Variants in SUSD5 observed in about 807,000 individuals in gnomAD.
SUSD5 encodes the protein sushi domain containing 5.
SUSD5 carries 33 observed loss-of-function variants against 29.5 expected under a neutral mutation model. The observed-to-expected ratio is 1.12, with a 90% CI of 0.85 to 1.49. The LOEUF (loss-of-function observed/expected upper bound fraction) is 1.49. SUSD5 is among the 40% of genes most tolerant of loss of function. The pLI, the probability that SUSD5 is intolerant of heterozygous loss-of-function variation, is 0.00. For missense variants in SUSD5, 776 were observed against 800.6 expected, an observed-to-expected ratio of 0.97 and a Z score of 0.37; for synonymous variants, 308 against 325.3, an observed-to-expected ratio of 0.95 and a Z score of 0.57.
chr3:33,169,200 A>C (rs2031369113), intron 4 of SUSD5, among the ~76,000 whole-genome samples: 1 of 152,080 alleles, frequency 6.6e-6, no homozygotes, highest in African/African-American at 2.4e-5. Context: ...GAGTGTATAC[A>C]CCTGTGACAG....
chr3:33,163,429 A>G (rs35086745), intron 4 of SUSD5, among the ~76,000 whole-genome samples: 14,459 of 152,136 alleles, frequency 0.095, 817 homozygotes, highest in East Asian at 0.19. Context: ...GGAATTTATC[A>G]TTGGTTTAAT....
At chr3:33,159,456 G>C (rs1185180354) in intron 4 of SUSD5, among the ~76,000 whole-genome samples, 1 of 152,026 alleles carries the variant, frequency 6.6e-6, no homozygotes, top group Non-Finnish European at 1.5e-5. Context: ...ATCTGCCCCA[G>C]TGCTCCCTGC....
intron 3 of SUSD5, among the ~76,000 whole-genome samples, chr3:33,182,736 T>C (rs7620079): frequency 1.3e-5 from 2 of 152,202 alleles, no homozygotes; most frequent in African/African-American, 4.8e-5. Flanking sequence ...TGAGTATAGC[T>C]ACTCCCACTT....
chr3:33,186,648 ATCTCTTGACCTCGT>A (rs2031785810), intron 3 of SUSD5, among the ~76,000 whole-genome samples: 1 of 151,922 alleles, frequency 6.6e-6, no homozygotes, highest in South Asian at 2.1e-4. Flanking sequence ...GATGGTCTTG[ATCTCTTGACCTCGT>A]GACCTGCCCG....
At chr3:33,208,530 C>G (rs941526004) in intron 2 of SUSD5, among the ~76,000 whole-genome samples, 1 of 152,080 alleles carries the variant, frequency 6.6e-6, no homozygotes, top group African/African-American at 2.4e-5. Context: ...ATTTAATCAT[C>G]AATCTAATTT....
rs2030922878 is a variant in SUSD5, at chr3:33,152,453, A to C, written c.*289T>G. On this transcript the variant is annotated 3_prime_UTR_variant, in exon 5 of 5. Transcript: ENST00000309558. ...AAAGATAATACTGTGATGAAGGAAG[A>C]GGCGATTTTTGACCTCACACTGGAA... 1 of 374,276 alleles carries C rather than the reference A, an allele frequency of 2.7e-6. No individual in the cohort carries two copies. Among genetic ancestry groups the C allele is most frequent in the South Asian group, 5.7e-5 (1 of 17,498 alleles). 23.2% of individuals were successfully genotyped at this position (374,276 alleles called of 1,614,324 possible).
intron 4 of SUSD5, among the ~76,000 whole-genome samples, chr3:33,168,913 G>C (rs2031363018): frequency 6.6e-6 from 1 of 152,236 alleles, no homozygotes; most frequent in African/African-American, 2.4e-5. Context: ...GCCTCCCAAA[G>C]TGCTGGGATT....
At chr3:33,197,021 T>C (rs1318784252) in intron 3 of SUSD5, among the ~76,000 whole-genome samples, 1 of 152,246 alleles carries the variant, frequency 6.6e-6, no homozygotes, top group Admixed American at 6.5e-5. Flanking sequence ...GAGGATTAAA[T>C]GAGTGAACAC....
rs775490969 is a variant in SUSD5, at chr3:33,218,737, C to A, written c.61G>T (p.Ala21Ser). ...RWHRRLPGLW[A>S]AALLLLGLPR... ...AGACCGAGCAGGAGCAGCGCCGCCG[C>A]CCAGAGCCCGGGGAGGCGTCTGTGC... Residue 21 changes from alanine (A) to serine (S), a missense_variant, in exon 1 of 5, where the codon GCG (alanine) becomes TCG (serine). Transcript: ENST00000309558. 1.5e-6 allele frequency: 2 copies of A among 1,366,740 alleles called. No homozygotes were observed. The highest frequency in any genetic ancestry group is 1.7e-5 in the South Asian group (1 of 57,380). The allele number at this position is 1,366,740 out of a possible 1,614,324, so 84.7% of individuals were successfully genotyped here.
intron 4 of SUSD5, among the ~76,000 whole-genome samples, chr3:33,169,475 C>A (rs1301083890): frequency 6.6e-6 from 1 of 152,210 alleles, no homozygotes; most frequent in Non-Finnish European, 1.5e-5. Flanking sequence ...CCCGCCTCGG[C>A]CTCCCAAAGT....
rs1351162801 is a variant in SUSD5, at chr3:33,189,463, C to T, written c.410-14389G>A. Among the ~76,000 whole-genome samples the T allele has an allele frequency of 5.3e-5, 6 of 113,364 alleles. No individual in the cohort carries two copies. The East Asian group carries it at 1.1e-3, about 21-fold the overall frequency. 74.4% of individuals were successfully genotyped at this position (113,364 alleles called of 152,430 possible). A position where few individuals can be genotyped will look rare whatever the true frequency, so the allele number is the denominator to read the frequency against. ...CTGCACTCCAGCCCGGTGGGTGGAG[C>T]GAGACTCTCCTTCTCAAAAAAAAAA... On this transcript the variant is annotated intron_variant, in intron 3 of 4. Transcript: ENST00000309558.
chr3:33,183,998 C>T (rs60323694), intron 3 of SUSD5, among the ~76,000 whole-genome samples: 42,617 of 130,612 alleles, frequency 0.33, 7,320 homozygotes, highest in Middle Eastern at 0.49. Flanking sequence ...AGTGCAGTGG[C>T]GTGATCTCAG....
Position 33,214,055 on chromosome 3 carries a change from C to T in SUSD5, c.163G>A (p.Glu55Lys), listed in dbSNP as rs775255479. ...SQNGSQGLQL[E>K]AARLSCKSRG... ...CTCTTGCAGGAAAGCCGAGCAGCCTCCAGTTGTAGGCCCTGAGAGCCATTC... is the reference window on the plus strand; with the variant it reads ...CTCTTGCAGGAAAGCCGAGCAGCCTTCAGTTGTAGGCCCTGAGAGCCATTC... Residue 55 changes from glutamate (E) to lysine (K), a missense_variant, in exon 2 of 5, where the codon GAG becomes AAG. Transcript: ENST00000309558. The T allele has an allele frequency of 7.7e-5, 125 of 1,613,466 alleles. No homozygotes were observed. Among genetic ancestry groups the T allele is most frequent in the Non-Finnish European group, 1.0e-4 (123 of 1,179,740 alleles).
chr3:33,207,165 G>A (rs2032237823), intron 3 of SUSD5, among the ~76,000 whole-genome samples: 1 of 152,172 alleles, frequency 6.6e-6, no homozygotes. Context: ...ACTGTGAGCA[G>A]TTCCCTAAAT....
intron 3 of SUSD5, among the ~76,000 whole-genome samples, chr3:33,202,640 G>A (rs150271679): frequency 2.6e-5 from 4 of 152,254 alleles, no homozygotes; most frequent in African/African-American, 9.6e-5. Context: ...CAGACCCCAA[G>A]CTGCAGACCC....
chr3:33,213,299 G>A (rs1239357461), intron 2 of SUSD5, among the ~76,000 whole-genome samples: 1 of 152,122 alleles, frequency 6.6e-6, no homozygotes, highest in South Asian at 2.1e-4. Context: ...TTAGCTATAG[G>A]AGGCTGAGGC....
intron 4 of SUSD5, among the ~76,000 whole-genome samples, chr3:33,157,869 C>T (rs58421122): frequency 6.6e-6 from 1 of 152,330 alleles, no homozygotes; most frequent in African/African-American, 2.4e-5. Flanking sequence ...GAGCCCAGCC[C>T]AAACTGCTGA....
Position 33,153,568 on chromosome 3 carries a change from T to A in SUSD5, c.1064A>T (p.Asp355Val). The A allele has an allele frequency of 1.2e-6, 2 of 1,614,024 alleles. No individual in the cohort carries two copies. The highest frequency in any genetic ancestry group is 3.3e-5 in the Admixed American group (2 of 60,024). ...GPSGPFVGKN[D>V]SKAGDPVVSS... is the part of the protein sequence containing the mutation. ...CACCACTGGATCTCCTGCCTTGCTGTCATTCTTGCCCACAAATGGCCCCGA... is the reference window on the plus strand; with the variant it reads ...CACCACTGGATCTCCTGCCTTGCTGACATTCTTGCCCACAAATGGCCCCGA... The change falls in exon 5 of 5, where the codon GAC becomes GTC. Residue 355 changes from aspartate (D) to valine (V), a missense_variant. Coordinates refer to ENST00000309558, the MANE Select transcript of SUSD5 (RefSeq NM_015551.2).
intron 4 of SUSD5, among the ~76,000 whole-genome samples, chr3:33,154,447 C>T (rs1469524369): frequency 6.6e-6 from 1 of 152,052 alleles, no homozygotes; most frequent in African/African-American, 2.4e-5. Context: ...CGCTTGAACC[C>T]GGAAGGCGGA....
Sources: gnomAD v4.1 joint callset for allele counts (sites outside exome capture counted in the v4.1 genomes callset) on GRCh38, gnomAD v4.1.1 for gene constraint, MANE v1.5 for transcripts, NCBI Gene and HGNC (gene_info 2026-07-23, HGNC 2026-07-21) for gene names.